Variants in SHISA9 observed in about 807,000 individuals in gnomAD.
SHISA9 encodes shisa family member 9.
SHISA9 carries 13 observed loss-of-function variants against 38.0 expected under a neutral mutation model. That is an observed-to-expected ratio of 0.34 (90% CI 0.22 to 0.54). The LOEUF (loss-of-function observed/expected upper bound fraction) is 0.54. Among genes scored for constraint, SHISA9 ranks in the 20% least tolerant of loss-of-function variants. SHISA9 has a pLI of 0.91. For missense variants in SHISA9, 538 were observed against 575.8 expected (o/e 0.93, Z 0.67); for synonymous variants, 275 against 242.0 (o/e 1.14, Z -1.27).
At chr16:13,314,203 AT>A in the SHISA9 span, among the ~76,000 whole-genome samples, 21 of 150,124 alleles carry the variant, frequency 1.4e-4, no homozygotes, top group East Asian at 7.8e-4. Context: ...TTTTTATTTC[AT>A]TTTTTTTTAT....
intron 2 of SHISA9, among the ~76,000 whole-genome samples, chr16:13,076,850 C>A (rs1017682264): frequency 1.3e-5 from 2 of 152,216 alleles, no homozygotes; most frequent in Admixed American, 6.5e-5. Context: ...CCCTACTTGT[C>A]ATGGTCCCTG....
At chr16:13,496,074 A>G in the SHISA9 span, among the ~76,000 whole-genome samples, 7 of 152,186 alleles carry the variant, frequency 4.6e-5, no homozygotes, top group East Asian at 1.9e-4. Flanking sequence ...TGTAATGCAA[A>G]TAGATACACT....
chr16:13,439,644 C>CA, the SHISA9 span, among the ~76,000 whole-genome samples: 2 of 151,970 alleles, frequency 1.3e-5, no homozygotes, highest in East Asian at 1.9e-4. Context: ...AAAAATGGCA[C>CA]AAAAAAATGG....
chr16:13,251,201 C>A, the SHISA9 span, among the ~76,000 whole-genome samples: 1 of 152,178 alleles, frequency 6.6e-6, no homozygotes, highest in East Asian at 1.9e-4. Flanking sequence ...CATCCCCAAG[C>A]TTCCTCCTCT....
chr16:13,104,048 T>C (rs1400142000), intron 2 of SHISA9, among the ~76,000 whole-genome samples: 1 of 152,182 alleles, frequency 6.6e-6, no homozygotes, highest in Non-Finnish European at 1.5e-5. Flanking sequence ...GAGGCATGCA[T>C]GTGTCTGGTT....
At chr16:13,147,785 G>A (rs1230141821) in intron 2 of SHISA9, among the ~76,000 whole-genome samples, 1 of 152,102 alleles carries the variant, frequency 6.6e-6, no homozygotes, top group East Asian at 1.9e-4. Flanking sequence ...ACTCTGGGCT[G>A]TTTCTGCTCA....
the SHISA9 span, among the ~76,000 whole-genome samples, chr16:13,262,783 C>A: frequency 6.6e-6 from 1 of 152,060 alleles, no homozygotes; most frequent in African/African-American, 2.4e-5. Context: ...ATGGAACACT[C>A]CAGCATGAAG....
At chr16:13,041,233 C>G (rs995881264) in intron 2 of SHISA9, among the ~76,000 whole-genome samples, 1 of 152,128 alleles carries the variant, frequency 6.6e-6, no homozygotes, top group African/African-American at 2.4e-5. Flanking sequence ...ATTTTGTTTC[C>G]TCAATGTTTT....
At chr16:13,209,809 A>G (rs1040749942) in intron 3 of SHISA9, among the ~76,000 whole-genome samples, 5 of 152,170 alleles carry the variant, frequency 3.3e-5, no homozygotes, top group Non-Finnish European at 7.3e-5. Context: ...GTCTTTATGA[A>G]AATATCCCTA....
chr16:13,299,294 G>A, the SHISA9 span, among the ~76,000 whole-genome samples: 2 of 152,172 alleles, frequency 1.3e-5, no homozygotes, highest in African/African-American at 4.8e-5. Flanking sequence ...TCAGGAATTA[G>A]ACCCTCCTTC....
the SHISA9 span, among the ~76,000 whole-genome samples, chr16:13,453,800 C>T: frequency 6.6e-6 from 1 of 152,194 alleles, no homozygotes; most frequent in African/African-American, 2.4e-5. Context: ...TGGTTGTTGT[C>T]TGATAGCTGC....
chr16:12,970,488 TATATA>T (rs1173242300), intron 2 of SHISA9, among the ~76,000 whole-genome samples: 1 of 28,294 alleles, frequency 3.5e-5, no homozygotes, highest in African/African-American at 1.2e-4. Context: ...TATATATATA[TATATA>T]TATATTTTTT....
chr16:13,372,831 T>C, the SHISA9 span, among the ~76,000 whole-genome samples: 1 of 145,452 alleles, frequency 6.9e-6, no homozygotes, highest in Non-Finnish European at 1.5e-5. Context: ...TTTCTTAACC[T>C]TTTTTTTTTA....
the SHISA9 span, among the ~76,000 whole-genome samples, chr16:13,382,685 C>T: frequency 6.6e-6 from 1 of 151,876 alleles, no homozygotes; most frequent in Admixed American, 6.6e-5. Flanking sequence ...ATGGTGAAAC[C>T]CTGTCTGTAT....
At chr16:13,092,846 C>T (rs1349919569) in intron 2 of SHISA9, among the ~76,000 whole-genome samples, 2 of 152,326 alleles carry the variant, frequency 1.3e-5, no homozygotes, top group Middle Eastern at 6.8e-3. Flanking sequence ...TGACCAGTCC[C>T]AGTGAGACGA....
At chr16:13,250,939 A>G in the SHISA9 span, among the ~76,000 whole-genome samples, 3 of 152,266 alleles carry the variant, frequency 2.0e-5, no homozygotes, top group African/African-American at 7.2e-5. Flanking sequence ...ATTCTGATGC[A>G]AGTAGTTAGT....
At chr16:13,386,140 T>C in the SHISA9 span, among the ~76,000 whole-genome samples, 2 of 152,234 alleles carry the variant, frequency 1.3e-5, no homozygotes, top group East Asian at 3.9e-4. Flanking sequence ...TGAGTACAAG[T>C]AAAATGGGAA....
chr16:13,328,808 T>A, the SHISA9 span, among the ~76,000 whole-genome samples: 1 of 152,156 alleles, frequency 6.6e-6, no homozygotes, highest in Admixed American at 6.5e-5. Flanking sequence ...CCTACTGCAC[T>A]GGTGATATAG....
At chr16:12,902,849 C>T (rs201070340) in intron 1 of SHISA9, 11 of 492,104 alleles carry the variant, frequency 2.2e-5, no homozygotes, top group East Asian at 1.8e-4. Context: ...TGTGTGTGAG[C>T]GTGTGTGTGT....
Sources: gnomAD v4.1 joint callset for allele counts (sites outside exome capture counted in the v4.1 genomes callset) on GRCh38, gnomAD v4.1.1 for gene constraint, MANE v1.5 for transcripts, NCBI Gene and HGNC (gene_info 2026-07-23, HGNC 2026-07-21) for gene names.